KIRREL1: variants seen among roughly 807,000 people sequenced by gnomAD.
KIRREL1 encodes kin of IRRE-like protein 1.
In KIRREL1, 25 loss-of-function variants were observed where a neutral mutation model predicts 83.3. That is an observed-to-expected ratio of 0.30 (90% CI 0.22 to 0.42). The LOEUF (loss-of-function observed/expected upper bound fraction) is 0.42. KIRREL1 is among the 10% of genes least tolerant of loss of function. The pLI, the probability that KIRREL1 is intolerant of heterozygous loss-of-function variation, is 1.00. For synonymous variants in KIRREL1, 388 were observed against 410.4 expected, an observed-to-expected ratio of 0.95 and a Z score of 0.66; for missense variants, 812 against 1,032.3, an observed-to-expected ratio of 0.79 and a Z score of 2.92.
intron 1 of KIRREL1, among the ~76,000 whole-genome samples, chr1:158,024,605 G>A (rs1245710336): frequency 6.6e-6 from 1 of 152,172 alleles, no homozygotes; most frequent in Non-Finnish European, 1.5e-5. Context: ...AACAGGTATT[G>A]TTAACAGGTA....
intron 5 of KIRREL1, 36 bp downstream of exon 5, chr1:158,086,782 G>C (rs750545390): frequency 6.7e-5 from 99 of 1,476,314 alleles, no homozygotes; most frequent in Non-Finnish European, 8.8e-5. Flanking sequence ...GGAGCAGGGG[G>C]GTGGAAGAAG....
chr1:158,020,521 A>G (rs1659975142), intron 1 of KIRREL1, among the ~76,000 whole-genome samples: 1 of 133,482 alleles, frequency 7.5e-6, no homozygotes, highest in African/African-American at 2.8e-5. Context: ...GATAGGGACT[A>G]TGATTTGTTT....
chr1:158,043,348 T>A (rs1280983714), intron 1 of KIRREL1, among the ~76,000 whole-genome samples: 1 of 151,998 alleles, frequency 6.6e-6, no homozygotes, highest in Non-Finnish European at 1.5e-5. Flanking sequence ...GGCGTAAGAA[T>A]CCTGACCCCA....
intron 1 of KIRREL1, among the ~76,000 whole-genome samples, chr1:158,040,202 G>A (rs1660586756): frequency 6.6e-6 from 1 of 152,200 alleles, no homozygotes; most frequent in Non-Finnish European, 1.5e-5. Flanking sequence ...CACAGTTATT[G>A]AGACCCTTAT....
intron 1 of KIRREL1, among the ~76,000 whole-genome samples, chr1:158,028,337 T>C (rs1660229682): frequency 6.6e-6 from 1 of 152,182 alleles, no homozygotes; most frequent in South Asian, 2.1e-4. Flanking sequence ...CTCCCTAATG[T>C]TGGGGAGTGT....
At chr1:158,056,559 C>T (rs1239359226) in intron 1 of KIRREL1, among the ~76,000 whole-genome samples, 1 of 152,182 alleles carries the variant, frequency 6.6e-6, no homozygotes, top group African/African-American at 2.4e-5. Context: ...GCACCTGCCC[C>T]AGGTGTGTGC....
chr1:158,067,409 C>A (rs953016408), intron 1 of KIRREL1, among the ~76,000 whole-genome samples: 4 of 152,140 alleles, frequency 2.6e-5, no homozygotes, highest in Admixed American at 6.5e-5. Flanking sequence ...GAGGAAACGC[C>A]CCAGGGAGGA....
intron 1 of KIRREL1, among the ~76,000 whole-genome samples, chr1:158,021,569 C>G (rs1660003765): frequency 6.6e-6 from 1 of 152,154 alleles, no homozygotes; most frequent in African/African-American, 2.4e-5. Flanking sequence ...TTAGCTATAA[C>G]TCTATGTGTA....
intron 1 of KIRREL1, among the ~76,000 whole-genome samples, chr1:158,043,614 T>C (rs1660700417): frequency 6.6e-6 from 1 of 152,176 alleles, no homozygotes; most frequent in Admixed American, 6.5e-5. Flanking sequence ...AGTGGCCATA[T>C]CTCCCCATTA....
chr1:158,059,753 C>T (rs1489472038), intron 1 of KIRREL1, among the ~76,000 whole-genome samples: 1 of 152,038 alleles, frequency 6.6e-6, no homozygotes, highest in African/African-American at 2.4e-5. Flanking sequence ...TAAAGTTTGG[C>T]TTATTATGTT....
At chr1:158,078,730 G>C (rs745860983) in intron 3 of KIRREL1, among the ~76,000 whole-genome samples, 3 of 152,146 alleles carry the variant, frequency 2.0e-5, no homozygotes, top group Non-Finnish European at 2.9e-5. Context: ...GCTGAAAACT[G>C]GGGTGAGGGG....
rs1168756980 is a variant in KIRREL1 at position 158,095,266 on chromosome 1, AG to A, written c.*147del. On this transcript the variant is annotated 3_prime_UTR_variant, in exon 15 of 15. Transcript: ENST00000359209. ...ATGGCAGGTGGGGAGCAGGTCTCCCAGAAACACCCCGTCCCGAGGATGGTGC... is the reference window on the plus strand; with the variant it reads ...ATGGCAGGTGGGGAGCAGGTCTCCCAAAACACCCCGTCCCGAGGATGGTGC... The A allele has an allele frequency of 1.6e-6, 1 of 641,880 alleles. No homozygotes were observed. The highest frequency in any genetic ancestry group is 2.8e-5 in the East Asian group (1 of 36,242). 39.8% of individuals were successfully genotyped at this position (641,880 alleles called of 1,614,324 possible).
chr1:158,047,308 G>C (rs745410091), intron 1 of KIRREL1, among the ~76,000 whole-genome samples: 3 of 152,182 alleles, frequency 2.0e-5, no homozygotes, highest in Non-Finnish European at 4.4e-5. Context: ...TAATGGAAGA[G>C]AGCAACACAG....
At chr1:158,087,885 G>A (rs373936037) in intron 6 of KIRREL1, 25 bp downstream of exon 6, 98 of 1,607,524 alleles carry the variant, frequency 6.1e-5, no homozygotes, top group South Asian at 2.2e-4. Context: ...GGCTGGGAGC[G>A]CTCTGGGGAG....
At chr1:158,067,593 A>G (rs1016552772) in intron 1 of KIRREL1, among the ~76,000 whole-genome samples, 3 of 152,216 alleles carry the variant, frequency 2.0e-5, no homozygotes, top group Non-Finnish European at 4.4e-5. Context: ...TCCCTTTTAC[A>G]GGCTAAGGAG....
At chr1:158,030,674 G>A (rs1660298028) in intron 1 of KIRREL1, 1 of 152,210 alleles carries the variant, frequency 6.6e-6, no homozygotes, top group African/African-American at 2.4e-5. Flanking sequence ...TTTGCAAATT[G>A]TGAAATTACA....
chr1:158,001,549 C>T (rs1659360487), intron 1 of KIRREL1, among the ~76,000 whole-genome samples: 1 of 152,148 alleles, frequency 6.6e-6, no homozygotes, highest in Middle Eastern at 3.2e-3. Context: ...TAGCAGTGTG[C>T]AGGTCAGAGC....
At chr1:158,033,599 C>T (rs1345546181) in intron 1 of KIRREL1, among the ~76,000 whole-genome samples, 1 of 152,186 alleles carries the variant, frequency 6.6e-6, no homozygotes, top group Admixed American at 6.5e-5. Flanking sequence ...TTGTTTGATC[C>T]TTGTCTCAAA....
At chr1:158,077,087 T>G (rs1376449874) in intron 2 of KIRREL1, among the ~76,000 whole-genome samples, 1 of 152,174 alleles carries the variant, frequency 6.6e-6, no homozygotes, top group African/African-American at 2.4e-5. Flanking sequence ...AAAAACATAT[T>G]TTAGCTTTAA....
Sources: gnomAD v4.1 joint callset for allele counts (sites outside exome capture counted in the v4.1 genomes callset) on GRCh38, gnomAD v4.1.1 for gene constraint, MANE v1.5 for transcripts, NCBI Gene and HGNC (gene_info 2026-07-23, HGNC 2026-07-21) for gene names.